FAM200B: variants seen among roughly 807,000 people sequenced by gnomAD.
FAM200B encodes the protein zinc finger BED-type containing 11, also known as protein FAM200B.
In FAM200B, 32 loss-of-function variants were observed where a neutral mutation model predicts 33.1. That is an observed-to-expected ratio of 0.97 (90% confidence interval 0.73 to 1.30). FAM200B has a LOEUF of 1.30. FAM200B is among the 50% of genes most tolerant of loss of function. The pLI, the probability that FAM200B is intolerant of heterozygous loss-of-function variation, is 0.00. For missense variants in FAM200B, 741 were observed against 754.0 expected (o/e 0.98, Z 0.20); for synonymous variants, 240 against 264.8 (o/e 0.91, Z 0.91).
the FAM200B span, among the ~76,000 whole-genome samples, chr4:15,648,770 A>G: frequency 6.6e-6 from 1 of 152,194 alleles, no homozygotes; most frequent in Admixed American, 6.6e-5. Flanking sequence ...TAAGATGAGT[A>G]CGTTCTGGGG....
chr4:15,652,964 G>C, the FAM200B span, among the ~76,000 whole-genome samples: 1 of 152,068 alleles, frequency 6.6e-6, no homozygotes, highest in Non-Finnish European at 1.5e-5. Flanking sequence ...AAACAAACAA[G>C]GTACTCTTCC....
At chr4:15,680,673 C>T (rs1392112589), upstream of FAM200B, among the ~76,000 whole-genome samples, 1 of 151,360 alleles carries the variant, frequency 6.6e-6, no homozygotes, top group South Asian at 2.1e-4. Flanking sequence ...GAGACTCCGT[C>T]TCAAAAATTA....
Position 15,687,345 on chromosome 4 carries a change from A to C in FAM200B, c.368A>C (p.Gln123Pro), listed in dbSNP as rs1301537592. The change falls in exon 2 of 2, where the codon CAA (glutamine) becomes CCA (proline). Residue 123 changes from glutamine to proline, a missense_variant. By Grantham distance (76) the Gln-to-Pro change is moderately conservative. Coordinates refer to ENST00000422728, the MANE Select transcript of FAM200B (RefSeq NM_001145191.2). ...ELIDKPLEYF[Q>P]RKKKDIKLST... ...ATTGATAAGCCTCTTGAATATTTTC[A>C]AAGAAAGAAAAAAGACATAAAGTTA... 6.5e-7 allele frequency: 1 copy of C among 1,545,122 alleles called. No homozygotes were observed. The highest frequency in any genetic ancestry group is 8.7e-7 in the Non-Finnish European group (1 of 1,144,178).
rs1187503763 is a variant in FAM200B, at chr4:15,687,438, C to T, written c.461C>T (p.Ala154Val). 2 of 1,550,814 alleles carry T rather than the reference C, an allele frequency of 1.3e-6. No individual in the cohort carries two copies. Among genetic ancestry groups the T allele is most frequent in the Admixed American group, 2.0e-5 (1 of 50,986 alleles). ...EKALLSSYLV[A>V]YRVAKEKIAN... ...GCCTTATTATCATCATATTTAGTTG[C>T]ATATCGTGTGGCAAAAGAGAAAATA... The change falls in exon 2 of 2, where the codon GCA becomes GTA. Residue 154 changes from alanine (A) to valine (V), a missense_variant. Transcript: ENST00000422728.
the FAM200B span, among the ~76,000 whole-genome samples, chr4:15,669,042 G>T: frequency 6.6e-6 from 1 of 152,196 alleles, no homozygotes; most frequent in African/African-American, 2.4e-5. Flanking sequence ...AGGAAGATCG[G>T]TTAGTACAGG....
rs1719172637 is a variant in FAM200B at position 15,689,047 on chromosome 4, TTTG to T, written c.*99_*101del. On this transcript the variant is annotated 3_prime_UTR_variant, in exon 2 of 2. Coordinates refer to ENST00000422728, the MANE Select transcript of FAM200B (RefSeq NM_001145191.2). ...AATGGTACTATAATACTGTGATACT[TTTG>T]TTATGTTTTAATTTTTGTTATATTT... 3 of 894,162 alleles carry T rather than the reference TTTG, an allele frequency of 3.4e-6. No homozygotes were observed. Among genetic ancestry groups the T allele is most frequent in the Non-Finnish European group, 3.0e-6 (2 of 657,716 alleles). 55.4% of individuals were successfully genotyped at this position (894,162 alleles called of 1,614,324 possible).
the FAM200B span, chr4:15,655,393 C>CGTCGG: frequency 6.7e-6 from 7 of 1,038,092 alleles, no homozygotes; most frequent in Non-Finnish European, 8.2e-6. Context: ...GCGCCCGCCC[C>CGTCGG]GTCGGCGCGC....
chr4:15,647,233 A>AG, the FAM200B span, among the ~76,000 whole-genome samples: 1 of 138,800 alleles, frequency 7.2e-6, no homozygotes, highest in Non-Finnish European at 1.5e-5. Flanking sequence ...AAAAAAAAAA[A>AG]AAAAAAAAAA....
chr4:15,679,209 C>T (rs1418862230), upstream of FAM200B, among the ~76,000 whole-genome samples: 4 of 151,832 alleles, frequency 2.6e-5, no homozygotes, highest in African/African-American at 4.8e-5. Flanking sequence ...ATTATAGGCA[C>T]GTGCCACCAC....
At chr4:15,645,880 T>C in the FAM200B span, among the ~76,000 whole-genome samples, 1 of 152,222 alleles carries the variant, frequency 6.6e-6, no homozygotes, top group Non-Finnish European at 1.5e-5. Context: ...TTTTACTCTA[T>C]ACAAATATTT....
chr4:15,638,471 C>G, the FAM200B span: 8 of 1,463,084 alleles, frequency 5.5e-6, no homozygotes, highest in Non-Finnish European at 7.3e-6. Context: ...AATGACCTTA[C>G]AACTAATAAA....
the FAM200B span, among the ~76,000 whole-genome samples, chr4:15,665,924 C>G: frequency 1.3e-5 from 2 of 152,058 alleles, no homozygotes; most frequent in African/African-American, 2.4e-5. Flanking sequence ...AGACCATAAG[C>G]CACACCCTTG....
chr4:15,641,473 A>AT, the FAM200B span: 1 of 340,522 alleles, frequency 2.9e-6, no homozygotes, highest in East Asian at 8.4e-5. Context: ...TAGTGAATAG[A>AT]TTTTTTTCTT....
chr4:15,662,425 A>G, the FAM200B span, among the ~76,000 whole-genome samples: 1 of 152,214 alleles, frequency 6.6e-6, no homozygotes, highest in Admixed American at 6.5e-5. Flanking sequence ...GTGTTGTTGT[A>G]AAGATTAACG....
the FAM200B span, among the ~76,000 whole-genome samples, chr4:15,650,318 A>G: frequency 6.6e-6 from 1 of 152,226 alleles, no homozygotes; most frequent in African/African-American, 2.4e-5. Context: ...AATATAGTGC[A>G]ATCCAGATTC....
At chr4:15,640,050 A>G in the FAM200B span, among the ~76,000 whole-genome samples, 1 of 152,090 alleles carries the variant, frequency 6.6e-6, no homozygotes, top group Non-Finnish European at 1.5e-5. Context: ...GTTTTTGTTT[A>G]TTTGTTTGGA....
the FAM200B span, among the ~76,000 whole-genome samples, chr4:15,639,368 C>T: frequency 6.6e-6 from 1 of 152,210 alleles, no homozygotes; most frequent in Admixed American, 6.5e-5. Context: ...AGGGCCTCTG[C>T]CTCACATGAG....
chr4:15,667,207 A>G, the FAM200B span, among the ~76,000 whole-genome samples: 3 of 152,206 alleles, frequency 2.0e-5, no homozygotes, highest in Non-Finnish European at 2.9e-5. Flanking sequence ...CTCTTTCACT[A>G]AACAGCCACA....
chr4:15,653,371 A>G, the FAM200B span, among the ~76,000 whole-genome samples: 6 of 152,218 alleles, frequency 3.9e-5, no homozygotes, highest in Non-Finnish European at 7.4e-5. Flanking sequence ...ACCACCAGGA[A>G]GAGACAGAAA....
Sources: allele counts gnomAD v4.1 joint callset (sites outside exome capture counted in the v4.1 genomes callset), GRCh38; gene constraint gnomAD v4.1.1; transcripts MANE v1.5; gene names NCBI Gene and HGNC (gene_info 2026-07-23, HGNC 2026-07-21).